Variants in TRIP12 observed in about 807,000 individuals in gnomAD.
The protein encoded by TRIP12 is thyroid hormone receptor interactor 12, also known as E3 ubiquitin-protein ligase TRIP12.
TRIP12 carries 25 observed loss-of-function variants against 244.2 expected under a neutral mutation model. The observed-to-expected ratio is 0.10, with a 90% CI of 0.07 to 0.14. The LOEUF (loss-of-function observed/expected upper bound fraction) is 0.14. Ranked by LOEUF, TRIP12 falls within the 10% of genes least tolerant of loss-of-function variation. TRIP12 has a pLI of 1.00. For missense variants in TRIP12, 1,677 were observed against 2,486.4 expected, an observed-to-expected ratio of 0.67 and a Z score of 6.92; for synonymous variants, 905 against 873.1, an observed-to-expected ratio of 1.04 and a Z score of -0.64.
rs34496202 is a variant in TRIP12, at chr2:229,872,104, T to TAAAAAAAAAAAAAAAAA, written c.98+7861_98+7877dup. Among the ~76,000 whole-genome samples, 14 of 105,260 alleles carry TAAAAAAAAAAAAAAAAA rather than the reference T, an allele frequency of 1.3e-4. 1 individual carries two copies. Among genetic ancestry groups the TAAAAAAAAAAAAAAAAA allele is most frequent in the African/African-American group, 4.5e-4 (13 of 28,878 alleles). 69.1% of individuals were successfully genotyped at this position (105,260 alleles called of 152,430 possible). A position where few individuals can be genotyped will look rare whatever the true frequency, so the allele number is the denominator to read the frequency against. On this transcript the variant is annotated intron_variant, in intron 2 of 41. Coordinates refer to ENST00000675903, the MANE Select transcript of TRIP12 (RefSeq NM_001348323.3). Reference sequence around the variant, plus strand: ...AATATAGTTTTAATGACAGATATTGTAAAAAAAAAAAAAAAAAAAAAAAAA... The same window carrying TAAAAAAAAAAAAAAAAA: ...AATATAGTTTTAATGACAGATATTGTAAAAAAAAAAAAAAAAAAAAAAAAAAAAAAAAAAAAAAAAAA...
intron 9 of TRIP12, among the ~76,000 whole-genome samples, chr2:229,816,160 A>C (rs1270985300): frequency 2.0e-5 from 3 of 152,124 alleles, no homozygotes; most frequent in African/African-American, 7.2e-5. Context: ...TGACAACAAC[A>C]AACATCAGAT....
At chr2:229,892,707 A>C (rs1294563570) in intron 1 of TRIP12, among the ~76,000 whole-genome samples, 1 of 152,030 alleles carries the variant, frequency 6.6e-6, no homozygotes, top group Non-Finnish European at 1.5e-5. Flanking sequence ...CTCCACAAAA[A>C]ATACAAAAAT....
At chr2:229,911,304 G>C (rs188863322) in intron 1 of TRIP12, among the ~76,000 whole-genome samples, 131 of 152,244 alleles carry the variant, frequency 8.6e-4, no homozygotes, top group Non-Finnish European at 1.7e-3. Flanking sequence ...ACTGCAATTA[G>C]GAAAGTCTGT....
chr2:229,831,886 G>GGT (rs2154299648), intron 6 of TRIP12, among the ~76,000 whole-genome samples: 1 of 91,660 alleles, frequency 1.1e-5, no homozygotes, highest in Admixed American at 1.2e-4. Context: ...TTGTTTTTTG[G>GGT]GTTTTTTTTT....
intron 8 of TRIP12, among the ~76,000 whole-genome samples, chr2:229,821,629 TA>T (rs1422464845): frequency 6.6e-6 from 1 of 152,182 alleles, no homozygotes; most frequent in African/African-American, 2.4e-5. Flanking sequence ...TATTCTCTTT[TA>T]AAATGTTTTC....
At position 229,802,285 on chromosome 2, in the gene TRIP12, C is replaced by G; in HGVS notation, c.3173G>C (p.Ser1058Thr). The G allele has an allele frequency of 6.2e-7, 1 of 1,611,800 alleles. No homozygotes were observed. Among genetic ancestry groups the G allele is most frequent in the Non-Finnish European group, 8.5e-7 (1 of 1,178,566 alleles). ...GCTGAGATCTAAAGAATCATCCCTG[C>G]TGTGCTGCAAGCTGGGTGATCCCAA... ...ADLGSPSLQH[S>T]RDDSLDLSPQ... is the part of the protein sequence containing the mutation. The change falls in exon 21 of 42, where the codon AGC (serine) becomes ACC (threonine). Residue 1058 changes from serine (S) to threonine (T), a missense_variant. Around this residue, in one of 11 missense-constraint regions of TRIP12, gnomAD observed 572 missense variants for 867.8 expected, o/e 0.66. Transcript: ENST00000675903.
At chr2:229,796,212 A>G (rs912306907) in intron 25 of TRIP12, among the ~76,000 whole-genome samples, 1 of 152,264 alleles carries the variant, frequency 6.6e-6, no homozygotes, top group Non-Finnish European at 1.5e-5. Context: ...ACAAGAAAAT[A>G]TAACTCCTCT....
At chr2:229,784,063 T>G (rs888528689) in intron 34 of TRIP12, among the ~76,000 whole-genome samples, 1 of 150,312 alleles carries the variant, frequency 6.7e-6, no homozygotes, top group Non-Finnish European at 1.5e-5. Context: ...TGAGCTGAGA[T>G]TGTGCCATTG....
rs1181665340 is a variant in TRIP12, at chr2:229,808,316, G to C, written c.2275C>G (p.Gln759Glu). 2.5e-6 allele frequency: 4 copies of C among 1,613,850 alleles called. No homozygotes were observed. The highest frequency in any genetic ancestry group is 3.4e-6 in the Non-Finnish European group (4 of 1,179,992). The change falls in exon 16 of 42, where the codon CAG becomes GAG. Residue 759 changes from glutamine (Q) to glutamate (E), a missense_variant. Transcript: ENST00000675903. ...LLCGASNGSC[Q>E]EQIDLVPRSP... ...CGTGGAACAAGATCAATCTGTTCCT[G>C]ACAACTTCCATTGGAGGCACCACAC...
chr2:229,791,613 G>A (rs1229668055), intron 29 of TRIP12, among the ~76,000 whole-genome samples: 1 of 152,198 alleles, frequency 6.6e-6, no homozygotes, highest in Non-Finnish European at 1.5e-5. Context: ...TTAAAGACCT[G>A]AAATAAATCT....
At chr2:229,831,223 A>C (rs757993977) in intron 6 of TRIP12, 2 of 678,654 alleles carry the variant, frequency 2.9e-6, no homozygotes, top group Non-Finnish European at 5.4e-6. Context: ...CAAAAATAAT[A>C]AAAAGGCAAA....
rs761008467 is a variant in TRIP12 at position 229,804,237 on chromosome 2, TA to T, written c.2651-11del. ...GACTCTGAATATCCACCTATTACAT[TA>T]AAAAAAAATATATGTGCAATCCTGA... On this transcript the variant is annotated splice_polypyrimidine_tract_variant and intron_variant, in intron 18 of 41. Transcript: ENST00000675903. 1,097 of 1,420,452 alleles carry T rather than the reference TA, an allele frequency of 7.7e-4. No homozygotes were observed. The highest frequency in any genetic ancestry group is 9.7e-4 in the Admixed American group (50 of 51,468). The allele number at this position is 1,420,452 out of a possible 1,614,324, so 88.0% of individuals were successfully genotyped here.
At chr2:229,901,028 G>A (rs1050926301) in intron 1 of TRIP12, among the ~76,000 whole-genome samples, 2 of 151,134 alleles carry the variant, frequency 1.3e-5, no homozygotes, top group Non-Finnish European at 2.9e-5. Flanking sequence ...CCGTCTCCCG[G>A]GCTCAAGCAA....
Position 229,842,816 on chromosome 2 carries a change from C to T in TRIP12, c.1028-1889G>A, listed in dbSNP as rs370630225. Among the ~76,000 whole-genome samples the T allele has an allele frequency of 1.1e-4, 16 of 152,242 alleles. No homozygotes were observed. In the East Asian group the frequency reaches 1.5e-3, roughly 15 times the overall value. On this transcript the variant is annotated intron_variant, in intron 4 of 41. Transcript: ENST00000675903. ...TTGAAGTGATGACATATTTTTTAAT[C>T]AAACTTTATTTTACTCTTTCACTAT...
In TRIP12 at chr2:229,860,493, G is replaced by A. The variant is rs2060290263; in HGVS notation, c.137C>T (p.Pro46Leu). 1.2e-6 allele frequency: 2 copies of A among 1,611,822 alleles called. No homozygotes were observed. Among genetic ancestry groups the A allele is most frequent in the Non-Finnish European group, 1.7e-6 (2 of 1,179,326 alleles). ...LGQAKHKGYS[P>L]PESRKSNSKA... ...AGAATTAGATTTTCTACTCTCAGGA[G>A]GGCTATATCCCTTATGTTTTGCCTG... is the stretch of plus-strand genomic sequence containing the variant. The change falls in exon 3 of 42, where the codon CCT (proline) becomes CTT (leucine). Residue 46 changes from proline to leucine, a missense_variant. By Grantham distance (98) the Pro-to-Leu change is moderately conservative. This residue lies in a region of TRIP12 where 387 missense variants were observed against 392.6 expected (regional missense o/e 0.99). Transcript: ENST00000675903.
At chr2:229,858,404 T>C (rs1294599121) in intron 4 of TRIP12, among the ~76,000 whole-genome samples, 1 of 152,150 alleles carries the variant, frequency 6.6e-6, no homozygotes, top group Non-Finnish European at 1.5e-5. Context: ...TGGCAACTCA[T>C]AACTAAAAAG....
intron 4 of TRIP12, among the ~76,000 whole-genome samples, chr2:229,851,173 A>G (rs1372484133): frequency 1.3e-5 from 2 of 152,216 alleles, no homozygotes; most frequent in Non-Finnish European, 2.9e-5. Context: ...GAAGCCAGCT[A>G]GGCTCCTGAG....
At chr2:229,896,916 T>C (rs1428229168) in intron 1 of TRIP12, among the ~76,000 whole-genome samples, 1 of 152,202 alleles carries the variant, frequency 6.6e-6, no homozygotes, top group Non-Finnish European at 1.5e-5. Flanking sequence ...TGTATGTCAT[T>C]ACAAATTTGA....
chr2:229,879,952 T>C (rs759661182), intron 2 of TRIP12, 30 bp downstream of exon 2: 5 of 1,610,556 alleles, frequency 3.1e-6, no homozygotes, highest in East Asian at 2.2e-5. Context: ...TTATTCCCAA[T>C]TCCTTTTCAA....
Sources: allele counts gnomAD v4.1 joint callset (sites outside exome capture counted in the v4.1 genomes callset), GRCh38; gene constraint gnomAD v4.1.1; regional missense constraint gnomAD v4.1.1; transcripts MANE v1.5; gene names NCBI Gene and HGNC (gene_info 2026-07-23, HGNC 2026-07-21).